The following RIOK1 variants were observed in gnomAD, a reference collection of about 807,000 sequenced individuals.
The protein encoded by RIOK1 is RIO kinase 1, also known as serine/threonine-protein kinase RIO1.
In RIOK1, 66 loss-of-function variants were observed where a neutral mutation model predicts 73.5. The ratio of observed to expected loss-of-function variants is 0.90; its 90% CI spans 0.74 to 1.10. The LOEUF is 1.10. Ranked by LOEUF, RIOK1 falls within the 50% of genes least tolerant of loss-of-function variation. The pLI is 0.00. For missense variants in RIOK1, 658 were observed against 699.8 expected (o/e 0.94, Z 0.67); for synonymous variants, 224 against 226.8 (o/e 0.99, Z 0.11).
chr6:7,415,843 A>G (rs1761987398), intron 16 of RIOK1, among the ~76,000 whole-genome samples: 1 of 152,200 alleles, frequency 6.6e-6, no homozygotes, highest in Non-Finnish European at 1.5e-5. Context: ...GGATATTTGG[A>G]GAGAGAGACC....
At chr6:7,409,815 A>AC (rs559205586) in intron 12 of RIOK1, among the ~76,000 whole-genome samples, 10 of 143,126 alleles carry the variant, frequency 7.0e-5, no homozygotes, top group South Asian at 6.8e-4. Context: ...AAAAAAAAAA[A>AC]CCTCTGCTCC....
chr6:7,391,875 C>G (rs946424648), intron 1 of RIOK1, among the ~76,000 whole-genome samples: 4 of 152,198 alleles, frequency 2.6e-5, no homozygotes, highest in Non-Finnish European at 4.4e-5. Context: ...GTATGAAGTC[C>G]TGGTAAGTAG....
intron 1 of RIOK1, among the ~76,000 whole-genome samples, chr6:7,392,307 GT>G (rs1468611135): frequency 4.0e-5 from 6 of 149,352 alleles, no homozygotes; most frequent in Middle Eastern, 7.2e-3. Flanking sequence ...TCTTCTCCCA[GT>G]TTGCCAGTCC....
intron 13 of RIOK1, 36 bp from the exon 14 acceptor site, chr6:7,411,296 A>T (rs1761877105): frequency 6.2e-7 from 1 of 1,609,404 alleles, no homozygotes; most frequent in South Asian, 1.1e-5. Context: ...GAAGTGTATG[A>T]ATAACAGTTT....
In RIOK1 at chr6:7,396,718, C is replaced by T; in HGVS notation, c.383C>T (p.Thr128Ile). The change falls in exon 4 of 17, where the codon ACT becomes ATT. Residue 128 changes from threonine to isoleucine, a missense_variant. By Grantham distance (89) the Thr-to-Ile change is moderately conservative. Coordinates refer to ENST00000379834, the MANE Select transcript of RIOK1 (RefSeq NM_031480.3). The stretch of plus-strand genomic sequence containing the variant: ...TGTATTTTAGATAAGCTAAATGTTA[C>T]TGATTCCGTCATAAATAAAGTCACC... ...NKINLDKLNV[T>I]DSVINKVTEK... 1 of 1,599,338 alleles carries T rather than the reference C, an allele frequency of 6.3e-7. No individual in the cohort carries two copies. The highest frequency in any genetic ancestry group is 8.6e-7 in the Non-Finnish European group (1 of 1,168,268).
chr6:7,398,999 A>G (rs578177258), intron 5 of RIOK1, among the ~76,000 whole-genome samples: 3 of 152,314 alleles, frequency 2.0e-5, no homozygotes, highest in Admixed American at 1.3e-4. Flanking sequence ...AGAGATTATC[A>G]GACCAGCAAT....
At chr6:7,404,320 T>C in intron 9 of RIOK1, 98 bp from the exon 10 acceptor site, 2 of 1,366,510 alleles carry the variant, frequency 1.5e-6, no homozygotes, top group Non-Finnish European at 2.0e-6. Flanking sequence ...CACATACAGC[T>C]CACATGATGA....
chr6:7,412,159 G>A (rs372583782), intron 14 of RIOK1, among the ~76,000 whole-genome samples: 35 of 152,200 alleles, frequency 2.3e-4, no homozygotes, highest in African/African-American at 7.5e-4. Flanking sequence ...TCAGGAGTTC[G>A]AGACCAACCT....
chr6:7,399,325 C>G (rs1761556687), intron 5 of RIOK1, among the ~76,000 whole-genome samples: 1 of 152,158 alleles, frequency 6.6e-6, no homozygotes, highest in African/African-American at 2.4e-5. Context: ...CTTTCCACCA[C>G]CCCCTCCCAT....
In RIOK1 at chr6:7,405,360, G is replaced by C. The variant is rs770413014; in HGVS notation, c.1203+5G>C. Reference sequence around the variant, plus strand: ...ATGGATGCTTATCTCTCAAAGGTAAGATGGGGAGAGGAAGGAGGAATAGGA... The same window carrying C: ...ATGGATGCTTATCTCTCAAAGGTAACATGGGGAGAGGAAGGAGGAATAGGA... On this transcript the variant is annotated splice_donor_5th_base_variant and intron_variant, in intron 12 of 16. Coordinates refer to ENST00000379834, the MANE Select transcript of RIOK1 (RefSeq NM_031480.3). 2.6e-6 allele frequency: 4 copies of C among 1,515,208 alleles called. No individual in the cohort carries two copies. Among genetic ancestry groups the C allele is most frequent in the Middle Eastern group, 1.7e-4 (1 of 5,872 alleles). 93.9% of individuals were successfully genotyped at this position (1,515,208 alleles called of 1,614,324 possible). A position where few individuals can be genotyped will look rare whatever the true frequency, so the allele number is the denominator to read the frequency against.
At chr6:7,403,039 G>A in intron 8 of RIOK1, 142 bp downstream of exon 8, 2 of 614,198 alleles carry the variant, frequency 3.3e-6, no homozygotes, top group South Asian at 2.5e-5. Flanking sequence ...GCTGAAGTAA[G>A]CAGAAGAAAC....
rs764062517 is a variant in RIOK1, at chr6:7,393,118, A to G, written c.91A>G (p.Thr31Ala). The change falls in exon 2 of 17, where the codon ACA becomes GCA. Residue 31 changes from threonine (T) to alanine (A), a missense_variant. Physicochemically the swap from Thr to Ala is moderately conservative, Grantham distance 58. Coordinates refer to ENST00000379834, the MANE Select transcript of RIOK1 (RefSeq NM_031480.3). ...SSDSENRDLKTVKEKDDILFE... is the reference protein window; with the variant it reads ...SSDSENRDLKAVKEKDDILFE... ...TTCTAGTGAAAACAGAGACTTGAAG[A>G]CAGTCAAAGAGAAGGATGACATTCT... 1.9e-6 allele frequency: 3 copies of G among 1,613,796 alleles called. No individual in the cohort carries two copies. In the East Asian group the frequency reaches 6.7e-5, roughly 36 times the overall value.
rs1464137986 is a variant in RIOK1 at position 7,403,945 on chromosome 6, AAC to A, written c.776_777del (p.Thr259SerfsTer23). The A allele has an allele frequency of 6.2e-7, 1 of 1,609,948 alleles. No individual in the cohort carries two copies. Among genetic ancestry groups the A allele is most frequent in the South Asian group, 1.1e-5 (1 of 90,932 alleles). Reference protein sequence around the residue: ...EKEMRNLIRLNTAEIPCPEPI... With the variant: ...EKEMRNLIRLXTAEIPCPEPI... ...TTATTTGTTATAATATCACAGGCTAAACACAGCAGAGATACCATGTCCAGAAC... is the reference window on the plus strand; with the variant it reads ...TTATTTGTTATAATATCACAGGCTAAACAGCAGAGATACCATGTCCAGAAC... On this transcript the variant is annotated frameshift_variant, in exon 9 of 17. Transcript: ENST00000379834. LOFTEE classifies it high-confidence loss of function.
chr6:7,396,671 A>T, intron 3 of RIOK1, 32 bp from the exon 4 acceptor site: 1 of 1,367,268 alleles, frequency 7.3e-7, no homozygotes, highest in Non-Finnish European at 1.0e-6. Flanking sequence ...CGTCTTACAT[A>T]TTGTTTACAT....
At chr6:7,408,625 C>T (rs1761807382) in intron 12 of RIOK1, among the ~76,000 whole-genome samples, 1 of 152,158 alleles carries the variant, frequency 6.6e-6, no homozygotes, top group African/African-American at 2.4e-5. Context: ...TACCCAATAT[C>T]TGGCCCATAG....
At chr6:7,406,961 C>G (rs1399820031) in intron 12 of RIOK1, among the ~76,000 whole-genome samples, 1 of 152,220 alleles carries the variant, frequency 6.6e-6, no homozygotes. Flanking sequence ...CACGCCTGGC[C>G]TAGGATTTCT....
Position 7,402,626 on chromosome 6 carries a change from A to G in RIOK1, c.597A>G (p.Thr199=), listed in dbSNP as rs780270166. The change falls in exon 7 of 17, where the codon ACA becomes ACG. Residue 199 remains threonine, a synonymous_variant. Transcript: ENST00000379834. ...AGGCTAATGTATACCATGCTAGCAC[A>G]GCAAATGGAGAGAGCAGAGCAATCA... ...GKEANVYHAS[T]ANGESRAIKI... is the part of the protein sequence containing the mutation. 13 of 1,609,084 alleles carry G rather than the reference A, an allele frequency of 8.1e-6. No homozygotes were observed. The East Asian group carries it at 2.9e-4, about 36-fold the overall frequency.
intron 16 of RIOK1, 68 bp downstream of exon 16, chr6:7,414,458 C>A: frequency 1.4e-6 from 2 of 1,393,434 alleles, no homozygotes; most frequent in South Asian, 2.9e-5. Flanking sequence ...TCTCTTTGCT[C>A]AAGGATCTAG....
At chr6:7,397,137 G>A (rs956570104) in intron 4 of RIOK1, among the ~76,000 whole-genome samples, 3 of 152,098 alleles carry the variant, frequency 2.0e-5, no homozygotes, top group Admixed American at 6.5e-5. Flanking sequence ...GGTGGTGCAC[G>A]CCTGTAATCC....
Sources: allele counts gnomAD v4.1 joint callset (sites outside exome capture counted in the v4.1 genomes callset), GRCh38; gene constraint gnomAD v4.1.1; transcripts MANE v1.5; gene names NCBI Gene and HGNC (gene_info 2026-07-23, HGNC 2026-07-21).